BCLAF1: variants seen among roughly 807,000 people sequenced by gnomAD.
The protein encoded by BCLAF1 is bcl-2-associated transcription factor 1.
In BCLAF1, 10 loss-of-function variants were observed where a neutral mutation model predicts 99.5. The observed-to-expected ratio is 0.10, with a 90% CI of 0.06 to 0.17. The LOEUF (loss-of-function observed/expected upper bound fraction) is 0.17. Among genes scored for constraint, BCLAF1 ranks in the 10% least tolerant of loss-of-function variants. The pLI is 1.00. For missense variants in BCLAF1, 636 were observed against 1,105.8 expected (o/e 0.58, Z 6.02); for synonymous variants, 255 against 370.9 (o/e 0.69, Z 3.59).
rs569510942 is a variant in BCLAF1 at position 136,289,819 on chromosome 6, G to C, written c.-221C>G. ...AAAACCATAGAGCTACCTTCGACGC[G>C]CTAGCACGTCTCCGTCACTTCCGAT... is the stretch of plus-strand genomic sequence containing the variant. On this transcript the variant is annotated 5_prime_UTR_variant, in exon 1 of 13. Coordinates refer to ENST00000531224, the MANE Select transcript of BCLAF1 (RefSeq NM_014739.3). 6.5e-6 allele frequency: 1 copy of C among 152,824 alleles called. No homozygotes were observed. Among genetic ancestry groups the C allele is most frequent in the South Asian group, 2.1e-4 (1 of 4,836 alleles). The allele number at this position is 152,824 out of a possible 1,614,324, so 9.5% of individuals were successfully genotyped here.
At chr6:136,273,876 G>T in intron 6 of BCLAF1, 1 of 691,940 alleles carries the variant, frequency 1.4e-6, no homozygotes, top group Non-Finnish European at 1.9e-6. Context: ...AAAATAGAAA[G>T]ACGTATAAAG....
In BCLAF1 at chr6:136,259,623, TGA is replaced by T. The variant is rs1366431574; in HGVS notation, c.*1485_*1486del. 3 of 152,026 alleles carry T rather than the reference TGA, an allele frequency of 2.0e-5. No individual in the cohort carries two copies. Among genetic ancestry groups the T allele is most frequent in the Non-Finnish European group, 4.4e-5 (3 of 67,890 alleles). The allele number at this position is 152,026 out of a possible 1,614,324, so 9.4% of individuals were successfully genotyped here. ...TGAGGGCCATAAACATCACATATGT[TGA>T]GTTTGCTTTTAGTTTTGTTTCCAAC... is the stretch of plus-strand genomic sequence containing the variant. On this transcript the variant is annotated 3_prime_UTR_variant, in exon 13 of 13. Transcript: ENST00000531224.
chr6:136,264,148 C>G (rs1445166273), intron 11 of BCLAF1, among the ~76,000 whole-genome samples: 1 of 152,146 alleles, frequency 6.6e-6, no homozygotes, highest in Non-Finnish European at 1.5e-5. Flanking sequence ...ACATACAGAA[C>G]ACTCAGAACA....
At chr6:136,289,489 G>A (rs1385782630) in intron 1 of BCLAF1, among the ~76,000 whole-genome samples, 1 of 152,040 alleles carries the variant, frequency 6.6e-6, no homozygotes, top group South Asian at 2.1e-4. Context: ...AAACACGCGC[G>A]CGCCCGCCGT....
chr6:136,268,082 ATCATGTATATGACCT>A, intron 10 of BCLAF1, 65 bp downstream of exon 10: 1 of 1,259,560 alleles, frequency 7.9e-7, no homozygotes, highest in East Asian at 2.5e-5. Context: ...CAATCTCTAA[ATCATGTATATGACCT>A]TCCTTATGTA....
At chr6:136,270,827 C>T (rs940799694) in intron 8 of BCLAF1, among the ~76,000 whole-genome samples, 17 of 151,850 alleles carry the variant, frequency 1.1e-4, no homozygotes, top group African/African-American at 4.1e-4. Context: ...AAGATACTCA[C>T]TGTCAGAGCA....
At position 136,276,509 on chromosome 6, in the gene BCLAF1, C is replaced by G; in HGVS notation, c.1017-1G>C. ...TACTCTAGACTCTTCATCTGTGAAC[C>G]TGCGAATAAGCAAAGAAGAGGATAG... is the stretch of plus-strand genomic sequence containing the variant. On this transcript the variant is annotated splice_acceptor_variant, in intron 4 of 12. Coordinates refer to ENST00000531224, the MANE Select transcript of BCLAF1 (RefSeq NM_014739.3). LOFTEE classifies it high-confidence loss of function. The G allele has an allele frequency of 6.3e-7, 1 of 1,583,190 alleles. No individual in the cohort carries two copies. The highest frequency in any genetic ancestry group is 8.5e-7 in the Non-Finnish European group (1 of 1,169,638).
At chr6:136,274,076 C>T (rs761345360) in intron 6 of BCLAF1, 1 of 1,288,110 alleles carries the variant, frequency 7.8e-7, no homozygotes, top group South Asian at 1.2e-5. Context: ...GCTAGCAACT[C>T]AGTTTTTATG....
rs1195409929 is a variant in BCLAF1, at chr6:136,257,734, TTCC to T, written c.*3373_*3375del. The T allele has an allele frequency of 8.5e-5, 13 of 152,132 alleles. No homozygotes were observed. The highest frequency in any genetic ancestry group is 2.0e-4 in the Admixed American group (3 of 15,278). 9.4% of individuals were successfully genotyped at this position (152,132 alleles called of 1,614,324 possible). ...TTAATCCCAATGACAATGAAGTTTA[TTCC>T]TCCATTTGCCTTTCCTCTTCAACTC... is the stretch of plus-strand genomic sequence containing the variant. On this transcript the variant is annotated 3_prime_UTR_variant, in exon 13 of 13. Transcript: ENST00000531224.
intron 1 of BCLAF1, among the ~76,000 whole-genome samples, chr6:136,288,626 G>T (rs1293094185): frequency 6.6e-6 from 1 of 152,220 alleles, no homozygotes; most frequent in African/African-American, 2.4e-5. Context: ...AGCCACACTT[G>T]CTTTCAACTT....
rs900368713 is a variant in BCLAF1, at chr6:136,269,619, A to G, written c.2044-7T>C. On this transcript the variant is annotated splice_region_variant and splice_polypyrimidine_tract_variant and intron_variant, in intron 8 of 12. Coordinates refer to ENST00000531224, the MANE Select transcript of BCLAF1 (RefSeq NM_014739.3). ...ACCTTAATTTTTTATCTCCCTATAA[A>G]AGACAGATATAAAATACAGATTTCA... 56 of 1,577,722 alleles carry G rather than the reference A, an allele frequency of 3.5e-5. No homozygotes were observed. The highest frequency in any genetic ancestry group is 4.8e-5 in the Non-Finnish European group (56 of 1,167,886).
chr6:136,279,026 C>CACACACACACACACACGT lies in BCLAF1; in HGVS notation c.105-251_105-250insACGTGTGTGTGTGTGTGT, dbSNP rs1554219522. Among the ~76,000 whole-genome samples the CACACACACACACACACGT allele has an allele frequency of 1.5e-4, 23 of 151,202 alleles. No individual in the cohort carries two copies. The East Asian group carries it at 2.0e-3, about 13-fold the overall frequency. On this transcript the variant is annotated intron_variant, in intron 3 of 12. Transcript: ENST00000531224. ...ACACACACACACACACACACACACA[C>CACACACACACACACACGT]GCATGTGTTATATATATCACATGCA...
At chr6:136,268,557 G>A (rs1168697835) in intron 9 of BCLAF1, 2 of 482,946 alleles carry the variant, frequency 4.1e-6, no homozygotes, top group East Asian at 7.7e-5. Context: ...GGGCCTGCCA[G>A]TTAGAAAATA....
chr6:136,274,422 A>T (rs1782971148), intron 6 of BCLAF1, among the ~76,000 whole-genome samples: 1 of 152,022 alleles, frequency 6.6e-6, no homozygotes, highest in South Asian at 2.1e-4. Flanking sequence ...AAAAAAAAAG[A>T]ATGTTTCATA....
In BCLAF1 at chr6:136,279,711, A is replaced by G. The variant is rs961491248; in HGVS notation, c.104+52T>C. ...GCACTGTGTTTACGATACTCATTCAACAAGTATTAACTGATATAATTATTT... is the reference window on the plus strand; with the variant it reads ...GCACTGTGTTTACGATACTCATTCAGCAAGTATTAACTGATATAATTATTT... On this transcript the variant is annotated intron_variant, in intron 3 of 12. Coordinates refer to ENST00000531224, the MANE Select transcript of BCLAF1 (RefSeq NM_014739.3). The G allele has an allele frequency of 1.3e-5, 19 of 1,411,142 alleles. No individual in the cohort carries two copies. In the African/African-American group the frequency reaches 2.0e-4, roughly 15 times the overall value. The allele number at this position is 1,411,142 out of a possible 1,614,324, so 87.4% of individuals were successfully genotyped here. A position where few individuals can be genotyped will look rare whatever the true frequency, so the allele number is the denominator to read the frequency against.
At chr6:136,272,563 G>T (rs565536622) in intron 7 of BCLAF1, among the ~76,000 whole-genome samples, 1 of 152,012 alleles carries the variant, frequency 6.6e-6, no homozygotes, top group African/African-American at 2.4e-5. Context: ...TACCAAGTCA[G>T]ATACTTCATA....
At position 136,275,614 on chromosome 6, in the gene BCLAF1, G is replaced by C. The variant is rs201324577; in HGVS notation, c.1770C>G (p.Asp590Glu). ...TGCTGGCCTGTGGCAACTTAATGTG[G>C]TCAAAGATGGATCGGAATTCTTGCT... ...KKEQEFRSIF[D>E]HIKLPQASKS... The change falls in exon 6 of 13, where the codon GAC (aspartate) becomes GAG (glutamate). Residue 590 changes from aspartate (D) to glutamate (E), a missense_variant. By Grantham distance (45) the Asp-to-Glu change is conservative. Transcript: ENST00000531224. 2.5e-6 allele frequency: 4 copies of C among 1,598,694 alleles called. No homozygotes were observed. The African/African-American group carries it at 5.4e-5, about 22-fold the overall frequency.
intron 12 of BCLAF1, 56 bp from the exon 13 acceptor site, chr6:136,261,171 A>G: frequency 1.3e-6 from 2 of 1,564,944 alleles, no homozygotes; most frequent in African/African-American, 1.4e-5. Flanking sequence ...GTGAAAAGGA[A>G]CCATATTAAT....
rs1285392699 is a variant in BCLAF1, at chr6:136,289,752, T to C, written c.-154A>G. On this transcript the variant is annotated 5_prime_UTR_variant, in exon 1 of 13. Transcript: ENST00000531224. ...CGCGGTTCCGGGAATTTATCTCCGT[T>C]GCAACCACACAGCGGCCATTTCCCG... is the stretch of plus-strand genomic sequence containing the variant. 5 of 152,760 alleles carry C rather than the reference T, an allele frequency of 3.3e-5. No individual in the cohort carries two copies. Among genetic ancestry groups the C allele is most frequent in the African/African-American group, 1.2e-4 (5 of 41,476 alleles). 9.5% of individuals were successfully genotyped at this position (152,760 alleles called of 1,614,324 possible).
Sources: allele counts gnomAD v4.1 joint callset (sites outside exome capture counted in the v4.1 genomes callset), GRCh38; gene constraint gnomAD v4.1.1; transcripts MANE v1.5; gene names NCBI Gene and HGNC (gene_info 2026-07-23, HGNC 2026-07-21).